ERICH6B: variants seen among roughly 807,000 people sequenced by gnomAD.
The protein encoded by ERICH6B is glutamate rich 6B.
ERICH6B carries 69 observed loss-of-function variants against 80.0 expected under a neutral mutation model. The ratio of observed to expected loss-of-function variants is 0.86; its 90% CI spans 0.71 to 1.05. The LOEUF is 1.05. Among genes scored for constraint, ERICH6B ranks in the 50% least tolerant of loss-of-function variants. The pLI is 0.00. For synonymous variants in ERICH6B, 283 were observed against 291.9 expected, an observed-to-expected ratio of 0.97 and a Z score of 0.31; for missense variants, 754 against 796.1, an observed-to-expected ratio of 0.95 and a Z score of 0.64.
chr13:45,608,832 G>A (rs78421614), intron 1 of ERICH6B, among the ~76,000 whole-genome samples: 281 of 152,226 alleles, frequency 1.8e-3, no homozygotes, highest in African/African-American at 6.3e-3. Context: ...TTGGCCTGTG[G>A]GCACCGTGAA....
At chr13:45,568,644 A>G (rs57286723) in intron 8 of ERICH6B, among the ~76,000 whole-genome samples, 193 bp from the exon 9 acceptor site, 15,824 of 152,204 alleles carry the variant, frequency 0.1, 1,545 homozygotes, top group African/African-American at 0.25. Flanking sequence ...CTTAATACCT[A>G]GGTGATGGGC....
intron 2 of ERICH6B, among the ~76,000 whole-genome samples, chr13:45,606,043 T>C (rs1949857591): frequency 6.6e-6 from 1 of 152,244 alleles, no homozygotes; most frequent in African/African-American, 2.4e-5. Context: ...GCGACATATG[T>C]CTTCTTTCCA....
intron 4 of ERICH6B, among the ~76,000 whole-genome samples, chr13:45,590,329 TCTG>T (rs903930895): frequency 3.9e-5 from 6 of 152,212 alleles, no homozygotes; most frequent in African/African-American, 1.4e-4. Context: ...CATTCATTCA[TCTG>T]CTCCCCTGAG....
At chr13:45,553,834 T>C (rs1203857453) in intron 11 of ERICH6B, among the ~76,000 whole-genome samples, 1 of 152,210 alleles carries the variant, frequency 6.6e-6, no homozygotes, top group Non-Finnish European at 1.5e-5. Context: ...AATTTTTTCT[T>C]TCTTTAATTG....
At chr13:45,600,679 G>A (rs1020813923) in intron 2 of ERICH6B, among the ~76,000 whole-genome samples, 4 of 152,146 alleles carry the variant, frequency 2.6e-5, no homozygotes, top group African/African-American at 4.8e-5. Flanking sequence ...CGGAAGACAC[G>A]ATTTCATTCT....
intron 3 of ERICH6B, among the ~76,000 whole-genome samples, chr13:45,594,118 A>G (rs1020623162): frequency 6.6e-5 from 10 of 152,254 alleles, no homozygotes; most frequent in East Asian, 3.8e-4. Flanking sequence ...TTAGGAGACT[A>G]TTCTACATAA....
In ERICH6B at chr13:45,573,533, A is replaced by G. The variant is rs141821849; in HGVS notation, c.1050+1309T>C. 7.4e-3 allele frequency among the ~76,000 whole-genome samples: 1,133 copies of G among 152,294 alleles called. 14 individuals are homozygous for G. Among genetic ancestry groups the G allele is most frequent in the African/African-American group, 0.025 (1,055 of 41,556 alleles). ...AGCTTCACAGTGTAAAAGCTAGACA[A>G]TTTAGGTAGTTTGAATCGAAGTACT... On this transcript the variant is annotated intron_variant, in intron 8 of 14. Coordinates refer to ENST00000298738, the MANE Select transcript of ERICH6B (RefSeq NM_182542.3).
intron 3 of ERICH6B, among the ~76,000 whole-genome samples, chr13:45,591,649 G>A (rs773194820): frequency 2.6e-5 from 4 of 152,082 alleles, no homozygotes; most frequent in Admixed American, 6.6e-5. Context: ...TAAGCAACAT[G>A]GGCAAATGGT....
intron 5 of ERICH6B, among the ~76,000 whole-genome samples, chr13:45,583,466 G>C (rs73466517): frequency 0.031 from 4,769 of 152,146 alleles, 261 homozygotes; most frequent in African/African-American, 0.11. Context: ...TTTAACCTCT[G>C]CATGTGATAT....
intron 8 of ERICH6B, among the ~76,000 whole-genome samples, chr13:45,571,002 TCTC>T (rs1356028912): frequency 7.0e-6 from 1 of 143,376 alleles, no homozygotes; most frequent in African/African-American, 2.8e-5. Flanking sequence ...ACTCCATTCT[TCTC>T]CTCCTGCTCT....
intron 14 of ERICH6B, among the ~76,000 whole-genome samples, chr13:45,542,019 C>T (rs115782321): frequency 0.019 from 2,885 of 152,266 alleles, 88 homozygotes; most frequent in African/African-American, 0.066. Flanking sequence ...CCATGGGGTC[C>T]CGACCATGGG....
chr13:45,571,138 G>C (rs74073905), intron 8 of ERICH6B, among the ~76,000 whole-genome samples: 1,601 of 152,284 alleles, frequency 0.011, 29 homozygotes, highest in African/African-American at 0.037. Context: ...ACAGCACCCT[G>C]AGCATTCAAT....
At chr13:45,604,140 G>T (rs1394911331) in intron 2 of ERICH6B, among the ~76,000 whole-genome samples, 1 of 152,260 alleles carries the variant, frequency 6.6e-6, no homozygotes, top group South Asian at 2.1e-4. Flanking sequence ...ATCTCTCACA[G>T]TGCAGTGCGG....
chr13:45,590,742 C>A (rs570136998), intron 3 of ERICH6B, 45 bp from the exon 4 acceptor site: 2 of 1,501,262 alleles, frequency 1.3e-6, no homozygotes, highest in African/African-American at 1.4e-5. Context: ...AAAAAAGCAT[C>A]TTTCTTTCTA....
chr13:45,602,012 A>ATG (rs1220936583), intron 2 of ERICH6B, among the ~76,000 whole-genome samples: 1 of 152,174 alleles, frequency 6.6e-6, no homozygotes, highest in Non-Finnish European at 1.5e-5. Flanking sequence ...ATGTGTGTGA[A>ATG]TGTGTGTTGT....
At chr13:45,588,103 C>T (rs1160290258) in intron 4 of ERICH6B, among the ~76,000 whole-genome samples, 1 of 152,160 alleles carries the variant, frequency 6.6e-6, no homozygotes, top group Non-Finnish European at 1.5e-5. Context: ...GTAAGTTAGG[C>T]CTGTCCCCAT....
chr13:45,566,800 TG>T (rs934968910), intron 9 of ERICH6B, among the ~76,000 whole-genome samples: 3 of 152,216 alleles, frequency 2.0e-5, no homozygotes, highest in African/African-American at 7.2e-5. Flanking sequence ...GAGTCCCTAC[TG>T]GGGCACCACC....
rs1459657678 is a variant in ERICH6B, at chr13:45,587,181, C to G, written c.738G>C (p.Leu246Phe). Residue 246 changes from leucine to phenylalanine, a missense_variant, in exon 5 of 15, where the codon TTG becomes TTC. Coordinates refer to ENST00000298738, the MANE Select transcript of ERICH6B (RefSeq NM_182542.3). ...AGACAGGAGAAGGGGTAGCGAAAGT[C>G]AACGGGACAGTCAAGAAGGTGGTCA... is the stretch of plus-strand genomic sequence containing the variant. The part of the protein sequence containing the change: ...SQVTTFLTVP[L>F]TFATPSPVSE... The G allele has an allele frequency of 3.2e-6, 5 of 1,551,648 alleles. No homozygotes were observed. Among genetic ancestry groups the G allele is most frequent in the Non-Finnish European group, 4.4e-6 (5 of 1,146,992 alleles).
chr13:45,550,202 T>C, intron 12 of ERICH6B, 29 bp downstream of exon 12: 1 of 1,545,616 alleles, frequency 6.5e-7, no homozygotes, highest in Non-Finnish European at 8.8e-7. Context: ...TATATGTCAA[T>C]ACGAGCATCC....
Sources: gnomAD v4.1 joint callset for allele counts (sites outside exome capture counted in the v4.1 genomes callset) on GRCh38, gnomAD v4.1.1 for gene constraint, MANE v1.5 for transcripts, NCBI Gene and HGNC (gene_info 2026-07-23, HGNC 2026-07-21) for gene names.